Variants in SEC24D observed in about 807,000 individuals in gnomAD.
SEC24D encodes the protein SEC24 homolog D, COPII component, also known as protein transport protein Sec24D.
A neutral mutation model predicts 116.9 loss-of-function variants in SEC24D; 69 were observed. The observed-to-expected ratio is 0.59, with a 90% CI of 0.49 to 0.72. The LOEUF is 0.72. SEC24D is among the 30% of genes least tolerant of loss of function. SEC24D has a pLI of 0.00. For synonymous variants in SEC24D, 405 were observed against 442.8 expected, an observed-to-expected ratio of 0.91 and a Z score of 1.07; for missense variants, 1,131 against 1,264.1, an observed-to-expected ratio of 0.89 and a Z score of 1.60.
At chr4:118,735,271 A>G (rs1725899698) in intron 19 of SEC24D, among the ~76,000 whole-genome samples, 1 of 152,252 alleles carries the variant, frequency 6.6e-6, no homozygotes, top group African/African-American at 2.4e-5. Context: ...AAAGAATGAA[A>G]GAAAACAAGA....
chr4:118,745,266 A>G (rs1437318341), intron 13 of SEC24D, among the ~76,000 whole-genome samples: 2 of 152,214 alleles, frequency 1.3e-5, no homozygotes, highest in Admixed American at 6.6e-5. Context: ...GGACAAGCCA[A>G]AAGTCATAAA....
chr4:118,779,567 T>C (rs1474207523), intron 8 of SEC24D, among the ~76,000 whole-genome samples: 1 of 152,242 alleles, frequency 6.6e-6, no homozygotes, highest in Non-Finnish European at 1.5e-5. Context: ...AAATTCTCTT[T>C]TTTTGTTGTG....
At chr4:118,785,769 A>G (rs1180542105) in intron 8 of SEC24D, among the ~76,000 whole-genome samples, 1 of 152,166 alleles carries the variant, frequency 6.6e-6, no homozygotes, top group East Asian at 1.9e-4. Flanking sequence ...TAAATTGTGG[A>G]GTCTAATTCA....
At chr4:118,752,667 C>G in intron 12 of SEC24D, 30 bp downstream of exon 12, 7 of 1,514,240 alleles carry the variant, frequency 4.6e-6, no homozygotes, top group Non-Finnish European at 6.3e-6. Flanking sequence ...ACCTGATTTA[C>G]TTTTAAATTA....
At chr4:118,810,019 G>T (rs1182063857) in intron 6 of SEC24D, among the ~76,000 whole-genome samples, 1 of 150,822 alleles carries the variant, frequency 6.6e-6, no homozygotes, top group Non-Finnish European at 1.5e-5. Flanking sequence ...AAAGAGGCTG[G>T]TGTTGCTGGT....
chr4:118,792,038 G>T (rs914516536), intron 8 of SEC24D, among the ~76,000 whole-genome samples: 3 of 151,866 alleles, frequency 2.0e-5, no homozygotes, highest in Non-Finnish European at 4.4e-5. Flanking sequence ...TCTAGGAAGT[G>T]AGGAGCGTCT....
intron 8 of SEC24D, among the ~76,000 whole-genome samples, chr4:118,772,654 AACAATGAC>A (rs1251409814): frequency 6.6e-6 from 1 of 152,166 alleles, no homozygotes; most frequent in Non-Finnish European, 1.5e-5. Context: ...AAGCAAAGAG[AACAATGAC>A]ACGAATGCCC....
In SEC24D at chr4:118,815,673, A is replaced by G. The variant is rs759026947; in HGVS notation, c.451T>C (p.Ser151Pro). The G allele has an allele frequency of 6.2e-6, 10 of 1,614,068 alleles. No homozygotes were observed. Among genetic ancestry groups the G allele is most frequent in the Non-Finnish European group, 8.5e-6 (10 of 1,179,984 alleles). The change falls in exon 5 of 23, where the codon TCA (serine) becomes CCA (proline). Residue 151 changes from serine to proline, a missense_variant. By Grantham distance (74) the Ser-to-Pro change is moderately conservative. Coordinates refer to ENST00000280551, the MANE Select transcript of SEC24D (RefSeq NM_014822.4). Reference protein sequence around the residue: ...QGPPGPLSATSLQTPPRPPQP... With the variant: ...QGPPGPLSATPLQTPPRPPQP... ...GGAGGTCGTGGAGGAGTCTGCAATG[A>G]TGTGGCTGACAGAGGGCCAGGGGGT...
intron 4 of SEC24D, 59 bp from the exon 5 acceptor site, chr4:118,815,785 T>C (rs1298084772): frequency 5.1e-6 from 8 of 1,563,648 alleles, no homozygotes; most frequent in Non-Finnish European, 5.2e-6. Context: ...CTCTGACTTC[T>C]GCAAAGTACA....
intron 22 of SEC24D, among the ~76,000 whole-genome samples, chr4:118,725,942 C>T (rs962184912): frequency 3.3e-5 from 5 of 152,172 alleles, no homozygotes; most frequent in African/African-American, 1.2e-4. Context: ...GTAGATCCAT[C>T]TTTATTTCCC....
intron 8 of SEC24D, among the ~76,000 whole-genome samples, chr4:118,782,681 T>G (rs1728469101): frequency 6.6e-6 from 1 of 152,230 alleles, no homozygotes; most frequent in African/African-American, 2.4e-5. Context: ...TGCTGCCTTT[T>G]GTTCAGCTAT....
chr4:118,835,808 C>T (rs914774208), intron 1 of SEC24D, 133 bp downstream of exon 1: 8 of 152,746 alleles, frequency 5.2e-5, no homozygotes, highest in Admixed American at 5.2e-4. Context: ...AGAATGAGTT[C>T]TCCTCCCGCC....
At chr4:118,762,461 A>T (rs570122502) in intron 10 of SEC24D, among the ~76,000 whole-genome samples, 27 of 152,302 alleles carry the variant, frequency 1.8e-4, no homozygotes, top group African/African-American at 6.5e-4. Context: ...CAATACATAG[A>T]AAGAATTTAG....
At chr4:118,764,681 CACTCCATGGT>C in intron 10 of SEC24D, 111 bp downstream of exon 10, 1 of 569,022 alleles carries the variant, frequency 1.8e-6, no homozygotes, top group Non-Finnish European at 3.1e-6. Context: ...GCATTTCTAC[CACTCCATGGT>C]ACCACCAAAA....
chr4:118,815,564 G>C lies in SEC24D; in HGVS notation c.560C>G (p.Pro187Arg). ...TLNGPGASPL[P>R]LPMYRPDGLS... Reference sequence around the variant, plus strand: ...CCCATCTGGTCTGTACATTGGTAGAGGCAAAGGTGAGGCACCAGGACCATT... The same window carrying C: ...CCCATCTGGTCTGTACATTGGTAGACGCAAAGGTGAGGCACCAGGACCATT... The change falls in exon 5 of 23, where the codon CCT becomes CGT. Residue 187 changes from proline (P) to arginine (R), a missense_variant. Physicochemically the swap from Pro to Arg is moderately radical, Grantham distance 103. Transcript: ENST00000280551. 6.2e-7 allele frequency: 1 copy of C among 1,614,214 alleles called. No individual in the cohort carries two copies. The highest frequency in any genetic ancestry group is 8.5e-7 in the Non-Finnish European group (1 of 1,180,038).
chr4:118,725,424 G>A (rs1725359774), intron 22 of SEC24D, among the ~76,000 whole-genome samples: 1 of 152,076 alleles, frequency 6.6e-6, no homozygotes, highest in South Asian at 2.1e-4. Context: ...CTTTACTATT[G>A]TCCATGATTG....
intron 8 of SEC24D, among the ~76,000 whole-genome samples, chr4:118,778,109 A>T (rs930296611): frequency 3.3e-5 from 5 of 152,156 alleles, no homozygotes; most frequent in African/African-American, 1.2e-4. Flanking sequence ...TCTTTAGTTT[A>T]ACTAGATCAC....
intron 6 of SEC24D, among the ~76,000 whole-genome samples, chr4:118,812,638 C>T (rs1729966543): frequency 6.6e-6 from 1 of 152,110 alleles, no homozygotes; most frequent in Non-Finnish European, 1.5e-5. Context: ...AGTGGTGGGA[C>T]TCCAGAGGAA....
chr4:118,808,725 A>C (rs1027816739), intron 6 of SEC24D, among the ~76,000 whole-genome samples: 1 of 152,232 alleles, frequency 6.6e-6, no homozygotes, highest in African/African-American at 2.4e-5. Context: ...ACTACTTCAA[A>C]AGGTATAGAT....
Sources: allele counts gnomAD v4.1 joint callset (sites outside exome capture counted in the v4.1 genomes callset), GRCh38; gene constraint gnomAD v4.1.1; transcripts MANE v1.5; gene names NCBI Gene and HGNC (gene_info 2026-07-23, HGNC 2026-07-21).